Variants in ST8SIA4 observed in about 807,000 individuals in gnomAD.
The protein encoded by ST8SIA4 is CMP-N-acetylneuraminate-poly-alpha-2,8-sialyltransferase.
Under a neutral mutation model 33.9 loss-of-function variants are expected in ST8SIA4, and 15 were observed. That is an observed-to-expected ratio of 0.44 (90% CI 0.30 to 0.68). The LOEUF (loss-of-function observed/expected upper bound fraction) is 0.68. Among genes scored for constraint, ST8SIA4 ranks in the 30% least tolerant of loss-of-function variants. ST8SIA4 has a pLI of 0.10. For missense variants in ST8SIA4, 321 were observed against 428.0 expected, an observed-to-expected ratio of 0.75 and a Z score of 2.21; for synonymous variants, 171 against 151.2, an observed-to-expected ratio of 1.13 and a Z score of -0.96.
At chr5:100,896,914 G>T (rs184108761) in intron 1 of ST8SIA4, among the ~76,000 whole-genome samples, 4 of 152,198 alleles carry the variant, frequency 2.6e-5, no homozygotes, top group Non-Finnish European at 5.9e-5. Context: ...CAGGTGATCT[G>T]GGCATGTTTG....
chr5:100,846,801 G>A (rs574933576), intron 4 of ST8SIA4, among the ~76,000 whole-genome samples: 47 of 152,210 alleles, frequency 3.1e-4, no homozygotes, highest in East Asian at 2.3e-3. Flanking sequence ...GAACTGGGAA[G>A]CATATTGGTC....
intron 3 of ST8SIA4, among the ~76,000 whole-genome samples, chr5:100,868,593 T>A (rs1433615076): frequency 6.6e-6 from 1 of 151,964 alleles, no homozygotes; most frequent in Non-Finnish European, 1.5e-5. Context: ...CCTAATTGGG[T>A]CTTTCATAAC....
chr5:100,843,793 C>A (rs944633133), intron 4 of ST8SIA4, among the ~76,000 whole-genome samples: 3 of 151,910 alleles, frequency 2.0e-5, no homozygotes, highest in African/African-American at 4.8e-5. Context: ...TCTTGCTCTG[C>A]AAATTCCCAA....
intron 4 of ST8SIA4, among the ~76,000 whole-genome samples, chr5:100,847,761 T>C (rs1280074975): frequency 2.6e-5 from 4 of 152,130 alleles, no homozygotes; most frequent in Non-Finnish European, 5.9e-5. Flanking sequence ...TGTCACTTGA[T>C]ATCCGTAAGA....
chr5:100,853,176 A>T (rs1413923302), intron 4 of ST8SIA4, among the ~76,000 whole-genome samples: 2 of 152,138 alleles, frequency 1.3e-5, no homozygotes, highest in African/African-American at 4.8e-5. Flanking sequence ...ATATCACAAA[A>T]ATCATTTTTG....
intron 3 of ST8SIA4, among the ~76,000 whole-genome samples, chr5:100,864,518 T>C (rs1470683496): frequency 7.4e-6 from 1 of 135,472 alleles, no homozygotes; most frequent in Non-Finnish European, 1.5e-5. Flanking sequence ...GAGCTTGCAG[T>C]GAGCCGAGAT....
intron 4 of ST8SIA4, among the ~76,000 whole-genome samples, chr5:100,853,322 G>A (rs868439734): frequency 3.3e-5 from 5 of 152,076 alleles, no homozygotes; most frequent in African/African-American, 9.7e-5. Flanking sequence ...CCTTTCACAC[G>A]TACACCATGT....
intron 3 of ST8SIA4, among the ~76,000 whole-genome samples, chr5:100,858,811 T>C (rs1323177231): frequency 6.6e-6 from 1 of 152,072 alleles, no homozygotes; most frequent in African/African-American, 2.4e-5. Context: ...CAAATCCACA[T>C]GCAGAGTCTT....
intron 4 of ST8SIA4, among the ~76,000 whole-genome samples, chr5:100,851,396 A>C (rs1224036196): frequency 6.6e-6 from 1 of 152,084 alleles, no homozygotes; most frequent in Non-Finnish European, 1.5e-5. Context: ...TTAATAACAA[A>C]ATAAAATTAT....
chr5:100,815,706 T>G (rs181888205), intron 4 of ST8SIA4, among the ~76,000 whole-genome samples: 19 of 152,222 alleles, frequency 1.2e-4, no homozygotes, highest in Admixed American at 1.2e-3. Context: ...AAATTTGGAA[T>G]GTCTCTACCC....
At chr5:100,865,127 T>C (rs899805812) in intron 3 of ST8SIA4, among the ~76,000 whole-genome samples, 1 of 152,212 alleles carries the variant, frequency 6.6e-6, no homozygotes, top group Non-Finnish European at 1.5e-5. Flanking sequence ...TTTACCCAGT[T>C]TTCTTACCCC....
intron 2 of ST8SIA4, among the ~76,000 whole-genome samples, chr5:100,889,321 A>G (rs1288294144): frequency 6.6e-6 from 1 of 151,938 alleles, no homozygotes; most frequent in African/African-American, 2.4e-5. Context: ...GACTACACGG[A>G]TGTGGTTAAA....
At chr5:100,835,808 C>A (rs1751352977) in intron 4 of ST8SIA4, among the ~76,000 whole-genome samples, 1 of 151,948 alleles carries the variant, frequency 6.6e-6, no homozygotes, top group Non-Finnish European at 1.5e-5. Context: ...TTAATATTCA[C>A]CAGAATAGAA....
At chr5:100,818,367 AT>A in intron 4 of ST8SIA4, among the ~76,000 whole-genome samples, 1 of 152,176 alleles carries the variant, frequency 6.6e-6, no homozygotes, top group East Asian at 1.9e-4. Flanking sequence ...CTTTTTGGGA[AT>A]TTTTTTCAAA....
chr5:100,889,354 C>T (rs937147704), intron 2 of ST8SIA4, among the ~76,000 whole-genome samples: 1 of 151,824 alleles, frequency 6.6e-6, no homozygotes, highest in South Asian at 2.1e-4. Context: ...ATGGTGTTAT[C>T]GTTTTTCTTT....
chr5:100,839,319 A>G (rs746915492), intron 4 of ST8SIA4, among the ~76,000 whole-genome samples: 11 of 152,008 alleles, frequency 7.2e-5, no homozygotes, highest in Admixed American at 6.6e-5. Context: ...ATGGCACACC[A>G]TCAATCAATT....
At chr5:100,843,963 G>A (rs969672518) in intron 4 of ST8SIA4, among the ~76,000 whole-genome samples, 2 of 151,862 alleles carry the variant, frequency 1.3e-5, no homozygotes, top group African/African-American at 4.8e-5. Context: ...TCATTGAGAC[G>A]TAAAGCCTTT....
chr5:100,878,921 T>C (rs1752360710), intron 3 of ST8SIA4, among the ~76,000 whole-genome samples: 1 of 152,202 alleles, frequency 6.6e-6, no homozygotes, highest in Admixed American at 6.5e-5. Flanking sequence ...CAGTACCACA[T>C]GTTTCGCTTG....
chr5:100,848,993 TA>T, intron 4 of ST8SIA4: 1 of 400,440 alleles, frequency 2.5e-6, no homozygotes, highest in Non-Finnish European at 3.4e-6. Flanking sequence ...GATGTTGGGT[TA>T]ACTTAACTGT....
Sources: gnomAD v4.1 joint callset for allele counts (sites outside exome capture counted in the v4.1 genomes callset) on GRCh38, gnomAD v4.1.1 for gene constraint, MANE v1.5 for transcripts, NCBI Gene and HGNC (gene_info 2026-07-23, HGNC 2026-07-21) for gene names.